MALSU1: variants seen among roughly 807,000 people sequenced by gnomAD.
The protein encoded by MALSU1 is mitochondrial assembly of ribosomal large subunit 1, also known as mitochondrial assembly of ribosomal large subunit protein 1.
MALSU1 carries 22 observed loss-of-function variants against 22.1 expected under a neutral mutation model. The observed-to-expected ratio is 1.00, with a 90% CI of 0.71 to 1.42. MALSU1 has a LOEUF of 1.42. MALSU1 is among the 40% of genes most tolerant of loss of function. MALSU1 has a pLI of 0.00. For synonymous variants in MALSU1, 153 were observed against 118.5 expected, an observed-to-expected ratio of 1.29 and a Z score of -1.89; for missense variants, 379 against 308.3, an observed-to-expected ratio of 1.23 and a Z score of -1.72.
At chr7:23,300,331 TAGGCCAC>T (rs1167150708) in intron 1 of MALSU1, among the ~76,000 whole-genome samples, 2 of 152,224 alleles carry the variant, frequency 1.3e-5, no homozygotes, top group East Asian at 3.8e-4. Flanking sequence ...TGACTGATCT[TAGGCCAC>T]AGTAATTCTC....
chr7:23,299,607 AGGTACGGGC>A lies in MALSU1; in HGVS notation c.256+1_256+9del. ...AGGGACGCCCAGAATCGGACGCGGC[AGGTACGGGC>A]GTGGAGAAGAACGAAGGCGACCCTC... is the stretch of plus-strand genomic sequence containing the variant. On this transcript the variant is annotated splice_donor_variant and splice_donor_5th_base_variant and coding_sequence_variant and intron_variant, in exon 1 of 4. Coordinates refer to ENST00000466681, the MANE Select transcript of MALSU1 (RefSeq NM_138446.2). LOFTEE classifies it high-confidence loss of function. The A allele has an allele frequency of 6.3e-7, 1 of 1,575,874 alleles. No individual in the cohort carries two copies. Among genetic ancestry groups the A allele is most frequent in the Non-Finnish European group, 8.6e-7 (1 of 1,161,050 alleles).
At position 23,300,844 on chromosome 7, in the gene MALSU1, A is replaced by G. The variant is rs1180787093; in HGVS notation, c.262A>G (p.Thr88Ala). ...GRPESDAADH[T>A]GPKFDIDMMV... ...CAACTATTTGTGCATTTCAGATCAT[A>G]CTGGTCCCAAGTTTGACATCGATAT... is the stretch of plus-strand genomic sequence containing the variant. Residue 88 changes from threonine to alanine, a missense_variant, in exon 2 of 4, where the codon ACT becomes GCT. By Grantham distance (58) the Thr-to-Ala change is moderately conservative (BLOSUM62 0). Coordinates refer to ENST00000466681, the MANE Select transcript of MALSU1 (RefSeq NM_138446.2). The G allele has an allele frequency of 1.2e-6, 2 of 1,613,298 alleles. No individual in the cohort carries two copies. Among genetic ancestry groups the G allele is most frequent in the East Asian group, 4.5e-5 (2 of 44,866 alleles).
At chr7:23,307,776 AAACAAACAAACAAAC>A (rs1783740429) in intron 2 of MALSU1, 77 bp from the exon 3 acceptor site, 1 of 797,464 alleles carries the variant, frequency 1.3e-6, no homozygotes, top group African/African-American at 1.9e-5. Flanking sequence ...AGATTAAAAA[AAACAAACAAACAAAC>A]AAAAAAAAAA....
intron 2 of MALSU1, among the ~76,000 whole-genome samples, chr7:23,302,237 AG>A (rs1783657856): frequency 6.6e-6 from 1 of 152,218 alleles, no homozygotes; most frequent in African/African-American, 2.4e-5. Flanking sequence ...GAGGAAAGAA[AG>A]GGGGATTGTT....
intron 2 of MALSU1, among the ~76,000 whole-genome samples, chr7:23,302,875 C>G (rs964882568): frequency 8.5e-5 from 13 of 152,138 alleles, no homozygotes; most frequent in Admixed American, 3.9e-4. Context: ...CTCCCGAGTT[C>G]AAGTGATTCT....
chr7:23,309,628 G>C lies in MALSU1; in HGVS notation c.*85G>C. ...ACAGCTCCTAAAGTCCGTCTCCTTG[G>C]TTAGGCTGCTCTTAGGACAAGGCTT... On this transcript the variant is annotated 3_prime_UTR_variant, in exon 4 of 4. Transcript: ENST00000466681. The C allele has an allele frequency of 9.0e-7, 1 of 1,107,536 alleles. No homozygotes were observed. The allele number at this position is 1,107,536 out of a possible 1,614,324, so 68.6% of individuals were successfully genotyped here.
rs754299384 is a variant in MALSU1, at chr7:23,299,434, G to C, written c.82G>C (p.Val28Leu). The C allele has an allele frequency of 2.5e-6, 4 of 1,604,492 alleles. No individual in the cohort carries two copies. The highest frequency in any genetic ancestry group is 8.5e-7 in the Non-Finnish European group (1 of 1,178,676). ...GGTTTCCTCGGTGGCGGGGTCCGCG[G>C]TTGGAGCCGAGCCCGGGCTTCGGCT... ...RAVSSVAGSA[V>L]GAEPGLRLLA... The change falls in exon 1 of 4, where the codon GTT becomes CTT. Residue 28 changes from valine (V) to leucine (L), a missense_variant. By Grantham distance (32) the Val-to-Leu change is conservative. Transcript: ENST00000466681.
At chr7:23,301,460 T>C (rs1156460577) in intron 2 of MALSU1, among the ~76,000 whole-genome samples, 1 of 152,138 alleles carries the variant, frequency 6.6e-6, no homozygotes, top group Non-Finnish European at 1.5e-5. Context: ...GGTTTCTCCA[T>C]GTTGGTCAGG....
At chr7:23,301,067 A>C (rs1783638808) in intron 2 of MALSU1, 50 bp downstream of exon 2, 1 of 1,527,194 alleles carries the variant, frequency 6.5e-7, no homozygotes, top group Non-Finnish European at 9.0e-7. Flanking sequence ...TGGAATAGTG[A>C]CAGTGCATCA....
chr7:23,301,136 A>C, intron 2 of MALSU1, 119 bp downstream of exon 2: 1 of 840,474 alleles, frequency 1.2e-6, no homozygotes, highest in Non-Finnish European at 1.8e-6. Context: ...AAGAAGCCCA[A>C]ATTTTCAGAA....
chr7:23,306,697 G>A (rs117205573), intron 2 of MALSU1, among the ~76,000 whole-genome samples: 2 of 152,140 alleles, frequency 1.3e-5, no homozygotes, highest in African/African-American at 4.8e-5. Flanking sequence ...TTATCATATA[G>A]ATTTTTTCTT....
Position 23,309,457 on chromosome 7 carries a change from G to C in MALSU1, c.619G>C (p.Ala207Pro). 6.2e-7 allele frequency: 1 copy of C among 1,611,630 alleles called. No homozygotes were observed. The highest frequency in any genetic ancestry group is 8.5e-7 in the Non-Finnish European group (1 of 1,177,956). ...RSYDDQLAQIAPETVPEDFIL... is the reference protein window; with the variant it reads ...RSYDDQLAQIPPETVPEDFIL... ...TTATGATGACCAGTTAGCTCAGATA[G>C]CACCTGAGACAGTACCTGAAGACTT... Residue 207 changes from alanine (A) to proline (P), a missense_variant, in exon 4 of 4, where the codon GCA becomes CCA. By Grantham distance (27) the Ala-to-Pro change is conservative (BLOSUM62 -1). Coordinates refer to ENST00000466681, the MANE Select transcript of MALSU1 (RefSeq NM_138446.2).
chr7:23,308,558 C>G (rs1472923311), intron 3 of MALSU1, among the ~76,000 whole-genome samples: 1 of 152,120 alleles, frequency 6.6e-6, no homozygotes, highest in Non-Finnish European at 1.5e-5. Context: ...AAAGACAAGA[C>G]TATTAGAGGG....
At chr7:23,303,086 G>A (rs1460831179) in intron 2 of MALSU1, among the ~76,000 whole-genome samples, 1 of 152,150 alleles carries the variant, frequency 6.6e-6, no homozygotes, top group African/African-American at 2.4e-5. Flanking sequence ...AAACTGTGTT[G>A]TTCAGTAGCT....
chr7:23,304,966 CTG>C (rs1224282201), intron 2 of MALSU1, among the ~76,000 whole-genome samples: 3 of 152,106 alleles, frequency 2.0e-5, no homozygotes, highest in Non-Finnish European at 4.4e-5. Context: ...CTTCTGTTGC[CTG>C]TGTCTTTGGT....
chr7:23,302,242 G>C (rs1218472226), intron 2 of MALSU1, among the ~76,000 whole-genome samples: 2 of 152,140 alleles, frequency 1.3e-5, no homozygotes, highest in Admixed American at 1.3e-4. Context: ...AAGAAAGGGG[G>C]ATTGTTTTCC....
chr7:23,307,839 C>T (rs555586351), intron 2 of MALSU1, 29 bp from the exon 3 acceptor site: 21 of 1,521,258 alleles, frequency 1.4e-5, no homozygotes, highest in East Asian at 2.3e-5. Context: ...ATCCCCTCTC[C>T]CTTTAATAAA....
rs1159715253 is a variant in MALSU1, at chr7:23,310,382, G to A, written c.*839G>A. On this transcript the variant is annotated 3_prime_UTR_variant, in exon 4 of 4. Transcript: ENST00000466681. ...CCAAATTACAAATGCTTAAGTAAAA[G>A]TAAAATATGATTTGCCATACTAAAA... 6.6e-6 allele frequency: 1 copy of A among 152,038 alleles called. No individual in the cohort carries two copies. The highest frequency in any genetic ancestry group is 2.4e-5 in the African/African-American group (1 of 41,432). 9.4% of individuals were successfully genotyped at this position (152,038 alleles called of 1,614,324 possible). A position where few individuals can be genotyped will look rare whatever the true frequency, so the allele number is the denominator to read the frequency against.
At position 23,299,460 on chromosome 7, in the gene MALSU1, G is replaced by A. The variant is rs769810858; in HGVS notation, c.108G>A (p.Leu36=). 27 of 1,608,374 alleles carry A rather than the reference G, an allele frequency of 1.7e-5. No individual in the cohort carries two copies. Among genetic ancestry groups the A allele is most frequent in the African/African-American group, 2.7e-5 (2 of 74,920 alleles). Residue 36 remains leucine, a synonymous_variant, in exon 1 of 4, where the codon CTG becomes CTA. Transcript: ENST00000466681. ...SAVGAEPGLR[L]LAVQRLPVGA... is the part of the protein sequence containing the mutation. ...TTGGAGCCGAGCCCGGGCTTCGGCT[G>A]CTGGCCGTGCAGCGGCTTCCCGTAG...
Sources: allele counts gnomAD v4.1 joint callset (sites outside exome capture counted in the v4.1 genomes callset), GRCh38; gene constraint gnomAD v4.1.1; transcripts MANE v1.5; gene names NCBI Gene and HGNC (gene_info 2026-07-23, HGNC 2026-07-21).